The following PLCXD1 variants were observed in gnomAD, a reference collection of about 807,000 sequenced individuals.
PLCXD1 encodes the protein PI-PLC X domain-containing protein 1.
A neutral mutation model predicts 37.8 loss-of-function variants in PLCXD1; 45 were observed. The ratio of observed to expected loss-of-function variants is 1.19; its 90% CI spans 0.94 to 1.53. The LOEUF (loss-of-function observed/expected upper bound fraction) is 1.53. Among genes scored for constraint, PLCXD1 ranks in the 40% most tolerant of loss-of-function variants. The pLI is 0.00. For missense variants in PLCXD1, 539 were observed against 454.7 expected, an observed-to-expected ratio of 1.19 and a Z score of -1.69; for synonymous variants, 246 against 206.9, an observed-to-expected ratio of 1.19 and a Z score of -1.62.
chrX:278,732 C>G (rs2069201985), upstream of PLCXD1, among the ~76,000 whole-genome samples: 1 of 104,684 alleles, frequency 9.6e-6, no homozygotes, highest in South Asian at 3.3e-4. Context: ...GAGCAAGACT[C>G]CGTCTCAAAA....
chrX:284,071 A>G (rs1370964627), intron 1 of PLCXD1, 96 bp from the exon 2 acceptor site: 6 of 931,916 alleles, frequency 6.4e-6, no homozygotes, highest in Middle Eastern at 3.4e-4. Flanking sequence ...TTGTATTTTT[A>G]GTAGAGATGG....
intron 1 of PLCXD1, among the ~76,000 whole-genome samples, chrX:281,919 T>C (rs1448787266): frequency 6.6e-6 from 1 of 151,994 alleles, no homozygotes; most frequent in Admixed American, 6.6e-5. Context: ...GGCTACTTTT[T>C]GTACTTTTAG....
In PLCXD1 at chrX:291,290, C is replaced by T. The variant is rs756701214; in HGVS notation, c.394-209C>T. On this transcript the variant is annotated intron_variant, in intron 4 of 6. Coordinates refer to ENST00000381657, the MANE Select transcript of PLCXD1 (RefSeq NM_018390.4). The stretch of plus-strand genomic sequence containing the variant: ...CCTTCCAAGTAGCTGGGATTACAGA[C>T]GCCGGACACCACGCCCAGCTAATTT... Among the ~76,000 whole-genome samples the T allele has an allele frequency of 5.3e-5, 8 of 152,128 alleles. No individual in the cohort carries two copies. In the South Asian group the frequency reaches 8.3e-4, roughly 16 times the overall value.
rs144926719 is a variant in PLCXD1 at position 293,145 on chromosome X, C to T, written c.660C>T (p.Tyr220=). 1,022 of 1,612,806 alleles carry T rather than the reference C, an allele frequency of 6.3e-4. 1 individual carries two copies. Among genetic ancestry groups the T allele is most frequent in the Non-Finnish European group, 7.9e-4 (928 of 1,179,778 alleles). The change falls in exon 6 of 7, where the codon TAC becomes TAT. Residue 220 remains tyrosine (Y), a synonymous_variant. Transcript: ENST00000381657. Reference sequence around the variant, plus strand: ...ACGAGCTGTGGCCAGGAGTCCCCTACTGGTGGGGAAACAGGGTGAAGACCG... The same window carrying T: ...ACGAGCTGTGGCCAGGAGTCCCCTATTGGTGGGGAAACAGGGTGAAGACCG... ...RHHELWPGVP[Y]WWGNRVKTEA...
At chrX:284,839 A>G (rs1380286803) in intron 2 of PLCXD1, among the ~76,000 whole-genome samples, 2 of 152,212 alleles carry the variant, frequency 1.3e-5, no homozygotes, top group Non-Finnish European at 2.9e-5. Context: ...GCAAAGTCAC[A>G]TGTTACATGG....
At chrX:282,919 TG>T (rs2069315036) in intron 1 of PLCXD1, among the ~76,000 whole-genome samples, 1 of 138,930 alleles carries the variant, frequency 7.2e-6, no homozygotes, top group Non-Finnish European at 1.5e-5. Flanking sequence ...TATGTATATA[TG>T]TTATACATGT....
At chrX:278,214 G>C (rs1167987542), upstream of PLCXD1, among the ~76,000 whole-genome samples, 2 of 151,602 alleles carry the variant, frequency 1.3e-5, no homozygotes, top group Admixed American at 6.6e-5. Context: ...ACCCCTCAGT[G>C]GTCAGGGGAC....
Position 301,222 on chromosome X carries a change from T to A in PLCXD1, c.*1887T>A, listed in dbSNP as rs1486570066. 3.3e-5 allele frequency: 5 copies of A among 152,112 alleles called. No individual in the cohort carries two copies. The highest frequency in any genetic ancestry group is 7.3e-5 in the Non-Finnish European group (5 of 68,046). The allele number at this position is 152,112 out of a possible 1,614,324, so 9.4% of individuals were successfully genotyped here. A position where few individuals can be genotyped will look rare whatever the true frequency, so the allele number is the denominator to read the frequency against. On this transcript the variant is annotated 3_prime_UTR_variant, in exon 7 of 7. Coordinates refer to ENST00000381657, the MANE Select transcript of PLCXD1 (RefSeq NM_018390.4). The stretch of plus-strand genomic sequence containing the variant: ...GTCAGGGTTTCACCACATGGCACAG[T>A]CTGGTCTCAAATTCCTGGGCTCCAG...
At chrX:299,041 A>C in intron 6 of PLCXD1, 56 bp from the exon 7 acceptor site, 2 of 1,301,934 alleles carry the variant, frequency 1.5e-6, no homozygotes, top group Non-Finnish European at 2.2e-6. Flanking sequence ...TAGGAGGGAG[A>C]AACAGGCGGG....
At chrX:277,155 T>G (rs2124276833), upstream of PLCXD1, among the ~76,000 whole-genome samples, 1 of 151,472 alleles carries the variant, frequency 6.6e-6, no homozygotes, top group East Asian at 2.0e-4. Context: ...CGGGGCTCCT[T>G]CCTGCTCCAC....
chrX:287,261 A>G (rs2069474998), intron 2 of PLCXD1, among the ~76,000 whole-genome samples: 1 of 146,922 alleles, frequency 6.8e-6, no homozygotes, highest in African/African-American at 2.5e-5. Flanking sequence ...AGTAAATGTA[A>G]AATATAAAAT....
intron 1 of PLCXD1, chrX:283,554 G>C (rs1438667230): frequency 1.3e-5 from 2 of 149,054 alleles, no homozygotes; most frequent in African/African-American, 5.0e-5. Flanking sequence ...AGGCCCGGGT[G>C]GGGGCGGCCT....
In PLCXD1 at chrX:288,764, C is replaced by G; in HGVS notation, c.159C>G (p.Asn53Lys). 6.2e-7 allele frequency: 1 copy of G among 1,613,846 alleles called. No homozygotes were observed. Among genetic ancestry groups the G allele is most frequent in the South Asian group, 1.1e-5 (1 of 91,074 alleles). The stretch of plus-strand genomic sequence containing the variant: ...ACGACACGATGACGTACTGCCTGAA[C>G]AAGAAGTCCCCCATTTCGCACGAGG... ...GSHDTMTYCL[N>K]KKSPISHEES... is the part of the protein sequence containing the mutation. The change falls in exon 3 of 7, where the codon AAC becomes AAG. Residue 53 changes from asparagine (N) to lysine (K), a missense_variant. Transcript: ENST00000381657.
chrX:283,944 G>C (rs2069362728), intron 1 of PLCXD1: 2 of 467,936 alleles, frequency 4.3e-6, no homozygotes, highest in South Asian at 2.9e-5. Context: ...TGCAGTGGCG[G>C]GATCTCCGCT....
intron 1 of PLCXD1, chrX:283,620 GTGTTGCCAGGCCCGGGTGGGGGCGGCCT>G (rs2069349164): frequency 2.2e-5 from 2 of 91,028 alleles, no homozygotes; most frequent in African/African-American, 4.5e-5. Flanking sequence ...GGGGGCGGCC[GTGTTGCCAGGCCCGGGTGGGGGCGGCCT>G]TGGTGTCAGG....
intron 6 of PLCXD1, among the ~76,000 whole-genome samples, chrX:298,895 A>T (rs1341573502): frequency 6.6e-6 from 1 of 152,120 alleles, no homozygotes. Flanking sequence ...TGTCTCCCAC[A>T]CGGTGTTACG....
At chrX:288,710 C>T in intron 2 of PLCXD1, 23 bp from the exon 3 acceptor site, 1 of 1,613,378 alleles carries the variant, frequency 6.2e-7, no homozygotes, top group Non-Finnish European at 8.5e-7. Flanking sequence ...GGTGACATGT[C>T]CGCGTGTGTG....
Position 300,596 on chromosome X carries a change from GTA to G in PLCXD1, c.*1265_*1266del, listed in dbSNP as rs200294189. On this transcript the variant is annotated 3_prime_UTR_variant, in exon 7 of 7. Coordinates refer to ENST00000381657, the MANE Select transcript of PLCXD1 (RefSeq NM_018390.4). ...TGTACATGTATATGTGTTTATACATGTATATGTGTGTATGCGTGTATACGTGT... is the reference window on the plus strand; with the variant it reads ...TGTACATGTATATGTGTTTATACATGTATGTGTGTATGCGTGTATACGTGT... The G allele has an allele frequency of 0.059, 8,991 of 151,368 alleles. 283 individuals carry two copies. Among genetic ancestry groups the G allele is most frequent in the Middle Eastern group, 0.092 (27 of 292 alleles). The allele number at this position is 151,368 out of a possible 1,614,324, so 9.4% of individuals were successfully genotyped here.
chrX:299,342 C>G lies in PLCXD1; in HGVS notation c.*7C>G. 1 of 1,598,212 alleles carries G rather than the reference C, an allele frequency of 6.3e-7. No individual in the cohort carries two copies. Among genetic ancestry groups the G allele is most frequent in the Non-Finnish European group, 8.6e-7 (1 of 1,165,738 alleles). On this transcript the variant is annotated 3_prime_UTR_variant, in exon 7 of 7. Coordinates refer to ENST00000381657, the MANE Select transcript of PLCXD1 (RefSeq NM_018390.4). ...GAAGCTGCTGTGGTGCTGACGGGACCCTTCTGAAGTTCGGGACGCGGCGGC... is the reference window on the plus strand; with the variant it reads ...GAAGCTGCTGTGGTGCTGACGGGACGCTTCTGAAGTTCGGGACGCGGCGGC...
Sources: allele counts gnomAD v4.1 joint callset (sites outside exome capture counted in the v4.1 genomes callset), GRCh38; gene constraint gnomAD v4.1.1; transcripts MANE v1.5; gene names NCBI Gene and HGNC (gene_info 2026-07-23, HGNC 2026-07-21).